KCNIP4: variants seen among roughly 807,000 people sequenced by gnomAD.
KCNIP4 encodes the protein potassium voltage-gated channel interacting protein 4.
Under a neutral mutation model 34.0 loss-of-function variants are expected in KCNIP4, and 12 were observed. That is an observed-to-expected ratio of 0.35 (90% CI 0.23 to 0.57). The LOEUF (loss-of-function observed/expected upper bound fraction) is 0.57, where lower values mean the gene tolerates loss of function less well. KCNIP4 is among the 20% of genes least tolerant of loss of function. KCNIP4 has a pLI of 0.83. For missense variants in KCNIP4, 238 were observed against 311.7 expected (o/e 0.76, Z 1.78); for synonymous variants, 124 against 102.2 (o/e 1.21, Z -1.29).
At chr4:21,077,305 C>T (rs1216959932) in intron 1 of KCNIP4, among the ~76,000 whole-genome samples, 1 of 152,020 alleles carries the variant, frequency 6.6e-6, no homozygotes, top group East Asian at 1.9e-4. Flanking sequence ...GTTCGCTTAT[C>T]TCATTTGAAG....
At chr4:21,321,466 G>A (rs1017242018) in intron 1 of KCNIP4, among the ~76,000 whole-genome samples, 1 of 152,046 alleles carries the variant, frequency 6.6e-6, no homozygotes, top group Non-Finnish European at 1.5e-5. Context: ...ACATCTAAGT[G>A]TTCTACAAGA....
intron 1 of KCNIP4, among the ~76,000 whole-genome samples, chr4:21,508,881 T>A (rs1734078086): frequency 7.5e-6 from 1 of 132,720 alleles, no homozygotes; most frequent in Non-Finnish European, 1.6e-5. Flanking sequence ...ATTAACTCAC[T>A]ATTTTATGCT....
intron 1 of KCNIP4, among the ~76,000 whole-genome samples, chr4:21,028,149 G>A (rs139557117): frequency 1.6e-4 from 24 of 152,128 alleles, no homozygotes; most frequent in African/African-American, 5.8e-4. Context: ...AACATATCCA[G>A]AACCTCACCA....
chr4:21,810,624 A>G (rs557665565), intron 1 of KCNIP4, among the ~76,000 whole-genome samples: 68 of 144,858 alleles, frequency 4.7e-4, no homozygotes, highest in African/African-American at 1.6e-3. Flanking sequence ...CGGGAGGCGG[A>G]GCCTGCAGTG....
intron 1 of KCNIP4, chr4:21,849,461 A>C (rs1724232731): frequency 6.6e-6 from 1 of 152,102 alleles, no homozygotes; most frequent in Non-Finnish European, 1.5e-5. Flanking sequence ...TCACCTAAAA[A>C]CAAAACAATT....
chr4:21,480,134 A>C (rs1731303413), intron 1 of KCNIP4, among the ~76,000 whole-genome samples: 2 of 151,900 alleles, frequency 1.3e-5, no homozygotes, highest in South Asian at 4.2e-4. Flanking sequence ...AGAAATTTTA[A>C]AACTGGTCAT....
chr4:21,816,682 C>G (rs149677989), intron 1 of KCNIP4, among the ~76,000 whole-genome samples: 6 of 152,242 alleles, frequency 3.9e-5, no homozygotes, highest in Non-Finnish European at 7.4e-5. Context: ...GTTATGAGGA[C>G]CTGTGTTTGG....
At chr4:21,843,009 A>G (rs181804878) in intron 1 of KCNIP4, among the ~76,000 whole-genome samples, 2 of 152,190 alleles carry the variant, frequency 1.3e-5, no homozygotes, top group Non-Finnish European at 1.5e-5. Flanking sequence ...TACATTTCAG[A>G]ATTAAAACTT....
At chr4:20,863,972 A>G (rs1196334992) in intron 2 of KCNIP4, among the ~76,000 whole-genome samples, 1 of 151,546 alleles carries the variant, frequency 6.6e-6, no homozygotes, top group East Asian at 1.9e-4. Context: ...ATACATATAC[A>G]TATATACATA....
Position 20,795,265 on chromosome 4 carries a change from T to C in KCNIP4, c.289-36375A>G, listed in dbSNP as rs900440125. On this transcript the variant is annotated intron_variant, in intron 3 of 8. Transcript: ENST00000382152. Reference sequence around the variant, plus strand: ...CAAGATCTTCTTAGGTATGTGATCCTGGGCAGATGACTTTATTATACTTCT... The same window carrying C: ...CAAGATCTTCTTAGGTATGTGATCCCGGGCAGATGACTTTATTATACTTCT... Among the ~76,000 whole-genome samples, 24 of 152,154 alleles carry C rather than the reference T, an allele frequency of 1.6e-4. 1 individual carries two copies. Among genetic ancestry groups the C allele is most frequent in the South Asian group, 8.3e-4 (4 of 4,826 alleles).
intron 1 of KCNIP4, among the ~76,000 whole-genome samples, chr4:21,875,770 C>T (rs914324835): frequency 7.9e-5 from 12 of 152,028 alleles, no homozygotes; most frequent in Admixed American, 1.3e-4. Context: ...ATCACACAGG[C>T]CTGATTTCAT....
chr4:21,118,344 T>C (rs1390651432), intron 1 of KCNIP4, among the ~76,000 whole-genome samples: 1 of 152,154 alleles, frequency 6.6e-6, no homozygotes, highest in Non-Finnish European at 1.5e-5. Context: ...CGTCCCTGAC[T>C]TTTGCCTTGC....
chr4:21,171,082 T>C lies in KCNIP4; in HGVS notation c.62-288373A>G, dbSNP rs145272881. ...CTCAACAACTGAGATATTGACTGAC[T>C]CAAGTTTGAGTTACAAATAAATCTA... On this transcript the variant is annotated intron_variant, in intron 1 of 8. Transcript: ENST00000382152. Among the ~76,000 whole-genome samples, 597 of 152,344 alleles carry C rather than the reference T, an allele frequency of 3.9e-3. 4 individuals carry two copies. The highest frequency in any genetic ancestry group is 6.9e-3 in the African/African-American group (285 of 41,590).
chr4:21,338,205 C>T lies in KCNIP4; in HGVS notation c.62-455496G>A, dbSNP rs1471608363. ...GCGTGAACCCGGGAGGCGCAGTTTG[C>T]AGTGAGCCAAGATCGCACCACTGCA... On this transcript the variant is annotated intron_variant, in intron 1 of 8. Coordinates refer to ENST00000382152, the MANE Select transcript of KCNIP4 (RefSeq NM_025221.6). Among the ~76,000 whole-genome samples, 11 of 137,516 alleles carry T rather than the reference C, an allele frequency of 8.0e-5. No individual in the cohort carries two copies. The Admixed American group carries it at 9.2e-4, about 12-fold the overall frequency. The allele number at this position is 137,516 out of a possible 152,430, so 90.2% of individuals were successfully genotyped here.
intron 1 of KCNIP4, among the ~76,000 whole-genome samples, chr4:20,892,419 T>C (rs1365315446): frequency 1.3e-5 from 2 of 152,168 alleles, no homozygotes; most frequent in Non-Finnish European, 1.5e-5. Flanking sequence ...TTCTTAGTCT[T>C]TGTGCCTTTG....
Position 20,894,005 on chromosome 4 carries a change from G to A in KCNIP4, c.62-11296C>T, listed in dbSNP as rs537711224. Reference sequence around the variant, plus strand: ...AAGCAATTCACCTTCCTCAGCCACCGGAGTAGCTGGGATTACAGGTGCCTG... The same window carrying A: ...AAGCAATTCACCTTCCTCAGCCACCAGAGTAGCTGGGATTACAGGTGCCTG... On this transcript the variant is annotated intron_variant, in intron 1 of 8. Transcript: ENST00000382152. 7.9e-5 allele frequency among the ~76,000 whole-genome samples: 12 copies of A among 152,062 alleles called. No homozygotes were observed. The South Asian group carries it at 1.0e-3, about 13-fold the overall frequency.
intron 5 of KCNIP4, among the ~76,000 whole-genome samples, chr4:20,748,847 A>G (rs1374206306): frequency 6.7e-6 from 1 of 149,164 alleles, no homozygotes; most frequent in Admixed American, 6.8e-5. Context: ...TCTGCTATTT[A>G]CCATTTGAAT....
At chr4:21,137,418 C>A (rs888032328) in intron 1 of KCNIP4, among the ~76,000 whole-genome samples, 7 of 152,198 alleles carry the variant, frequency 4.6e-5, no homozygotes, top group Non-Finnish European at 8.8e-5. Flanking sequence ...CTCCCCCATA[C>A]TCCATATTTT....
intron 1 of KCNIP4, among the ~76,000 whole-genome samples, chr4:21,555,844 TG>T (rs1738963099): frequency 6.6e-6 from 1 of 152,132 alleles, no homozygotes; most frequent in African/African-American, 2.4e-5. Flanking sequence ...CATTCTACAT[TG>T]GTTGTCAGAG....
Sources: gnomAD v4.1 joint callset for allele counts (sites outside exome capture counted in the v4.1 genomes callset) on GRCh38, gnomAD v4.1.1 for gene constraint, MANE v1.5 for transcripts, NCBI Gene and HGNC (gene_info 2026-07-23, HGNC 2026-07-21) for gene names.